Variants in ASPH observed in about 807,000 individuals in gnomAD.
ASPH encodes the protein aspartate beta-hydroxylase.
A neutral mutation model predicts 118.4 loss-of-function variants in ASPH; 100 were observed. The observed-to-expected ratio is 0.84, with a 90% confidence interval of 0.72 to 1.00. ASPH has a LOEUF of 1.00. Ranked by LOEUF, ASPH falls within the 50% of genes least tolerant of loss-of-function variation. The probability of loss-of-function intolerance (pLI) is 0.00; values close to 1 mark genes in which losing one functional copy is unlikely to be tolerated. For missense variants in ASPH, 920 were observed against 919.5 expected, an observed-to-expected ratio of 1.00 and a Z score of -0.01; for synonymous variants, 315 against 325.6, an observed-to-expected ratio of 0.97 and a Z score of 0.35.
chr8:61,573,281 T>C (rs1484818682), intron 16 of ASPH, among the ~76,000 whole-genome samples: 1 of 152,164 alleles, frequency 6.6e-6, no homozygotes, highest in African/African-American at 2.4e-5. Flanking sequence ...AAAATGGCCA[T>C]AGTGCCCAAA....
At chr8:61,597,873 GC>G (rs1842892988) in intron 14 of ASPH, among the ~76,000 whole-genome samples, 1 of 152,158 alleles carries the variant, frequency 6.6e-6, no homozygotes. Context: ...TACAAGAAAT[GC>G]CTAAGAGGGT....
At chr8:61,612,732 A>C (rs1051316618) in intron 14 of ASPH, among the ~76,000 whole-genome samples, 8 of 152,204 alleles carry the variant, frequency 5.3e-5, no homozygotes, top group African/African-American at 1.7e-4. Flanking sequence ...ATATACATTT[A>C]ATTATAGGCA....
At chr8:61,686,754 A>AT (rs986696218) in intron 1 of ASPH, among the ~76,000 whole-genome samples, 4 of 151,372 alleles carry the variant, frequency 2.6e-5, no homozygotes, top group Admixed American at 6.6e-5. Flanking sequence ...ATCAAATTGA[A>AT]TTTTTTTTTG....
intron 14 of ASPH, among the ~76,000 whole-genome samples, chr8:61,588,097 T>A (rs1241398286): frequency 2.0e-5 from 3 of 152,076 alleles, no homozygotes; most frequent in Non-Finnish European, 4.4e-5. Flanking sequence ...CTAGAAAGAA[T>A]TATTAATTTT....
In ASPH at chr8:61,644,790, C is replaced by A. The variant is rs143617080; in HGVS notation, c.620-158G>T. ...AAGTCTGCTTAACACTTTTATATTT[C>A]ACTAGAAGTACACTGTGGGATGTCT... On this transcript the variant is annotated intron_variant, in intron 6 of 24. Transcript: ENST00000379454. 7.9e-4 allele frequency among the ~76,000 whole-genome samples: 120 copies of A among 152,214 alleles called. 1 individual carries two copies. The highest frequency in any genetic ancestry group is 2.8e-3 in the African/African-American group (116 of 41,524).
intron 6 of ASPH, among the ~76,000 whole-genome samples, chr8:61,645,278 A>C (rs1393224992): frequency 6.6e-6 from 1 of 152,204 alleles, no homozygotes; most frequent in African/African-American, 2.4e-5. Context: ...AGGTTTCTGC[A>C]ATTTGTGAAC....
intron 16 of ASPH, among the ~76,000 whole-genome samples, chr8:61,572,180 G>C (rs1833657001): frequency 6.6e-6 from 1 of 152,208 alleles, no homozygotes; most frequent in Non-Finnish European, 1.5e-5. Context: ...AGCTGAGTTA[G>C]TTCCTGTGTG....
intron 16 of ASPH, among the ~76,000 whole-genome samples, chr8:61,573,928 G>A (rs78837892): frequency 6.6e-6 from 1 of 151,904 alleles, no homozygotes; most frequent in Non-Finnish European, 1.5e-5. Flanking sequence ...CAGAATGGGA[G>A]AAAATTTTTG....
intron 14 of ASPH, among the ~76,000 whole-genome samples, chr8:61,595,647 C>T (rs1842312413): frequency 6.6e-6 from 1 of 152,194 alleles, no homozygotes; most frequent in Admixed American, 6.5e-5. Flanking sequence ...ATAGGGATCA[C>T]ATTCCTCAAA....
At chr8:61,575,587 A>C (rs1379316533) in intron 16 of ASPH, among the ~76,000 whole-genome samples, 8 of 152,220 alleles carry the variant, frequency 5.3e-5, no homozygotes, top group Non-Finnish European at 1.5e-5. Flanking sequence ...CCTAGCACAC[A>C]GTGGGCTTTC....
intron 5 of ASPH, among the ~76,000 whole-genome samples, chr8:61,647,388 G>C (rs1359622661): frequency 6.6e-6 from 1 of 152,096 alleles, no homozygotes; most frequent in Non-Finnish European, 1.5e-5. Flanking sequence ...TTATATGCTA[G>C]GGCCAGGCAT....
In ASPH at chr8:61,705,237, C is replaced by T. The variant is rs192229864; in HGVS notation, c.103+9032G>A. Among the ~76,000 whole-genome samples the T allele has an allele frequency of 1.4e-4, 22 of 152,176 alleles. No individual in the cohort carries two copies. In the East Asian group the frequency reaches 4.2e-3, roughly 29 times the overall value. ...AAGAAGGGAACAACAGACACTGGGGCCTACTTGAGGGTGGAGGGTGGGAGG... is the reference window on the plus strand; with the variant it reads ...AAGAAGGGAACAACAGACACTGGGGTCTACTTGAGGGTGGAGGGTGGGAGG... On this transcript the variant is annotated intron_variant, in intron 1 of 24. Coordinates refer to ENST00000379454, the MANE Select transcript of ASPH (RefSeq NM_004318.4).
chr8:61,532,177 T>C (rs375352343), intron 21 of ASPH, among the ~76,000 whole-genome samples: 2 of 152,186 alleles, frequency 1.3e-5, no homozygotes, highest in Non-Finnish European at 1.5e-5. Context: ...TCCCTTTTCT[T>C]TGCATCCTCA....
intron 14 of ASPH, among the ~76,000 whole-genome samples, chr8:61,603,212 A>G (rs1372613152): frequency 1.3e-5 from 2 of 151,320 alleles, no homozygotes; most frequent in African/African-American, 2.4e-5. Context: ...AAAAAAAAAA[A>G]AAAAAAGAGA....
In ASPH at chr8:61,518,034, G is replaced by A; in HGVS notation, c.1990C>T (p.Gln664Ter). 1 of 1,611,924 alleles carries A rather than the reference G, an allele frequency of 6.2e-7. No homozygotes were observed. Among genetic ancestry groups the A allele is most frequent in the Non-Finnish European group, 8.5e-7 (1 of 1,178,126 alleles). The change falls in exon 23 of 25, where the codon CAG (glutamine) becomes TAG (stop). Residue 664 changes from glutamine (Q) to a stop codon, truncating the protein, a stop_gained and splice_region_variant. Coordinates refer to ENST00000379454, the MANE Select transcript of ASPH (RefSeq NM_004318.4). LOFTEE classifies it high-confidence loss of function. ...CCCCAGCACGACACTCTTGGTACCT[G>A]TCCTCTTCTGCATCCTGTTGTCTCG... ...FPETTGCRRG[Q>*]IKYSIMHPGT...
At chr8:61,685,616 T>C (rs1248352933) in intron 1 of ASPH, among the ~76,000 whole-genome samples, 3 of 152,054 alleles carry the variant, frequency 2.0e-5, no homozygotes, top group Non-Finnish European at 4.4e-5. Context: ...ATTGCCAATA[T>C]ATTCTTCTGG....
rs1213260443 is a variant in ASPH at position 61,604,242 on chromosome 8, A to G, written c.976+14736T>C. Among the ~76,000 whole-genome samples, 3 of 152,298 alleles carry G rather than the reference A, an allele frequency of 2.0e-5. No homozygotes were observed. In the South Asian group the frequency reaches 6.2e-4, roughly 32 times the overall value. On this transcript the variant is annotated intron_variant, in intron 14 of 24. Coordinates refer to ENST00000379454, the MANE Select transcript of ASPH (RefSeq NM_004318.4). ...TGCAGAAAGGCAAAAACTAGAGGCA[A>G]GAAGACTCCCTGGATGTGATATACA...
At chr8:61,536,779 T>C (rs1009596735) in intron 21 of ASPH, among the ~76,000 whole-genome samples, 4 of 152,216 alleles carry the variant, frequency 2.6e-5, no homozygotes, top group Admixed American at 6.5e-5. Context: ...GTCTGACTTA[T>C]AGCATGCTGG....
At chr8:61,571,300 A>C (rs1399359824) in intron 16 of ASPH, among the ~76,000 whole-genome samples, 1 of 152,216 alleles carries the variant, frequency 6.6e-6, no homozygotes, top group Non-Finnish European at 1.5e-5. Flanking sequence ...TTCTACTGTG[A>C]CATAAGGATA....
Sources: allele counts gnomAD v4.1 joint callset (sites outside exome capture counted in the v4.1 genomes callset), GRCh38; gene constraint gnomAD v4.1.1; transcripts MANE v1.5; gene names NCBI Gene and HGNC (gene_info 2026-07-23, HGNC 2026-07-21).